The following NEDD4L variants were observed in gnomAD, a reference collection of about 807,000 sequenced individuals.
The protein encoded by NEDD4L is NEDD4 like E3 ubiquitin protein ligase, also known as E3 ubiquitin-protein ligase NEDD4-like.
Under a neutral mutation model 148.9 loss-of-function variants are expected in NEDD4L, and 54 were observed. The ratio of observed to expected loss-of-function variants is 0.36; its 90% CI spans 0.29 to 0.45. NEDD4L has a LOEUF of 0.45. Among genes scored for constraint, NEDD4L ranks in the 20% least tolerant of loss-of-function variants. The pLI is 1.00. For synonymous variants in NEDD4L, 433 were observed against 440.7 expected (o/e 0.98, Z 0.22); for missense variants, 856 against 1,233.8 (o/e 0.69, Z 4.59).
chr18:58,062,449 G>A (rs761865138), intron 1 of NEDD4L, among the ~76,000 whole-genome samples: 6 of 152,152 alleles, frequency 3.9e-5, no homozygotes, highest in Non-Finnish European at 8.8e-5. Context: ...CAAGTTTTAT[G>A]TTGTGAGAAA....
At chr18:58,284,115 CT>C (rs1180227660) in intron 5 of NEDD4L, among the ~76,000 whole-genome samples, 1 of 152,202 alleles carries the variant, frequency 6.6e-6, no homozygotes, top group African/African-American at 2.4e-5. Context: ...GCCTCCAGAA[CT>C]TTTAAACCAT....
chr18:58,198,665 G>A (rs2041022328), intron 2 of NEDD4L, among the ~76,000 whole-genome samples: 1 of 152,206 alleles, frequency 6.6e-6, no homozygotes, highest in Non-Finnish European at 1.5e-5. Flanking sequence ...AGAATCCTAG[G>A]ATGGAAAGGG....
chr18:58,280,684 G>C (rs1366916748), intron 5 of NEDD4L, among the ~76,000 whole-genome samples: 1 of 152,086 alleles, frequency 6.6e-6, no homozygotes, highest in Non-Finnish European at 1.5e-5. Flanking sequence ...TGGGGAATTC[G>C]GAGTGAGGGC....
At position 58,209,462 on chromosome 18, in the gene NEDD4L, C is replaced by T. The variant is rs556003252; in HGVS notation, c.123-35965C>T. 8.9e-5 allele frequency among the ~76,000 whole-genome samples: 4 copies of T among 45,084 alleles called. No homozygotes were observed. In the East Asian group the frequency reaches 1.9e-3, roughly 21 times the overall value. The allele number at this position is 45,084 out of a possible 152,430, so 29.6% of individuals were successfully genotyped here. A position where few individuals can be genotyped will look rare whatever the true frequency, so the allele number is the denominator to read the frequency against. ...TTTCTGCACACCCCACCCCCGCCCC[C>T]ACTAGGGACAGTTTACTCTTCCCCC... On this transcript the variant is annotated intron_variant, in intron 2 of 30. Transcript: ENST00000400345.
At chr18:58,362,725 G>A (rs1439709871) in intron 19 of NEDD4L, among the ~76,000 whole-genome samples, 1 of 152,214 alleles carries the variant, frequency 6.6e-6, no homozygotes, top group Non-Finnish European at 1.5e-5. Context: ...CAGAGTAGGT[G>A]CTCAAGAAGT....
rs1312148367 is a variant in NEDD4L, at chr18:58,400,213, C to G, written c.*3944C>G. 1 of 152,248 alleles carries G rather than the reference C, an allele frequency of 6.6e-6. No individual in the cohort carries two copies. Among genetic ancestry groups the G allele is most frequent in the Non-Finnish European group, 1.5e-5 (1 of 68,092 alleles). The allele number at this position is 152,248 out of a possible 1,614,324, so 9.4% of individuals were successfully genotyped here. A position where few individuals can be genotyped will look rare whatever the true frequency, so the allele number is the denominator to read the frequency against. ...GGGTAACTGCCCGCCTGCTCCCTTC[C>G]TGACCTCCCCTGACCCCGAAGATCA... On this transcript the variant is annotated 3_prime_UTR_variant, in exon 31 of 31. Coordinates refer to ENST00000400345, the MANE Select transcript of NEDD4L (RefSeq NM_001144967.3).
At chr18:58,058,170 G>A (rs1450494884) in intron 1 of NEDD4L, among the ~76,000 whole-genome samples, 1 of 152,168 alleles carries the variant, frequency 6.6e-6, no homozygotes, top group African/African-American at 2.4e-5. Context: ...GCTGGGTGTG[G>A]TGGCACGCAC....
intron 2 of NEDD4L, among the ~76,000 whole-genome samples, chr18:58,236,133 G>A (rs1362198636): frequency 2.0e-5 from 3 of 152,134 alleles, no homozygotes; most frequent in Non-Finnish European, 4.4e-5. Flanking sequence ...GAGGCAGGAA[G>A]ATCGCCTGAA....
intron 2 of NEDD4L, among the ~76,000 whole-genome samples, chr18:58,207,067 C>A (rs528735437): frequency 2.6e-5 from 4 of 152,106 alleles, no homozygotes; most frequent in Non-Finnish European, 5.9e-5. Context: ...CTTTAGCATA[C>A]GGTTGTTTGC....
Position 58,401,411 on chromosome 18 carries a change from T to A in NEDD4L, c.*5142T>A, listed in dbSNP as rs971668554. Reference sequence around the variant, plus strand: ...TTCGCTTTTCTTTTTTCTTGAGAGATCTAAAGAGAAACTGTAGATTGTTTT... The same window carrying A: ...TTCGCTTTTCTTTTTTCTTGAGAGAACTAAAGAGAAACTGTAGATTGTTTT... On this transcript the variant is annotated 3_prime_UTR_variant, in exon 31 of 31. Transcript: ENST00000400345. The A allele has an allele frequency of 6.6e-6, 1 of 152,184 alleles. No homozygotes were observed. Among genetic ancestry groups the A allele is most frequent in the Non-Finnish European group, 1.5e-5 (1 of 68,028 alleles). 9.4% of individuals were successfully genotyped at this position (152,184 alleles called of 1,614,324 possible).
intron 5 of NEDD4L, among the ~76,000 whole-genome samples, chr18:58,295,392 C>A (rs2149177137): frequency 6.6e-6 from 1 of 152,244 alleles, no homozygotes; most frequent in Admixed American, 6.5e-5. Flanking sequence ...ATAGTGGCTT[C>A]TTTTACTTAG....
intron 1 of NEDD4L, among the ~76,000 whole-genome samples, chr18:58,063,525 T>C (rs1243865920): frequency 2.0e-5 from 3 of 152,080 alleles, no homozygotes; most frequent in Non-Finnish European, 4.4e-5. Flanking sequence ...GTTTTTCTAA[T>C]ATTGCTTTTC....
At position 58,388,838 on chromosome 18, in the gene NEDD4L, A is replaced by C. The variant is rs990107314; in HGVS notation, c.2548-247A>C. On this transcript the variant is annotated intron_variant, in intron 27 of 30. Coordinates refer to ENST00000400345, the MANE Select transcript of NEDD4L (RefSeq NM_001144967.3). The stretch of plus-strand genomic sequence containing the variant: ...TAGGGAGGACGACTGTGGCATTTTT[A>C]TATCCGATACGACATGCCGTGGCTT... The C allele has an allele frequency of 2.2e-5, 11 of 510,332 alleles. No individual in the cohort carries two copies. The East Asian group carries it at 3.5e-4, about 16-fold the overall frequency. 31.6% of individuals were successfully genotyped at this position (510,332 alleles called of 1,614,324 possible).
intron 1 of NEDD4L, among the ~76,000 whole-genome samples, chr18:58,121,200 C>T (rs1177682323): frequency 6.6e-6 from 1 of 151,992 alleles, no homozygotes; most frequent in Non-Finnish European, 1.5e-5. Context: ...GAGGACACAA[C>T]AGAGAAAGGA....
intron 1 of NEDD4L, among the ~76,000 whole-genome samples, chr18:58,161,435 C>CTTTTTTT (rs55873387): frequency 7.1e-6 from 1 of 140,284 alleles, no homozygotes; most frequent in African/African-American, 2.6e-5. Flanking sequence ...TTTTCTTTTT[C>CTTTTTTT]TTTTTTTTTT....
intron 24 of NEDD4L, among the ~76,000 whole-genome samples, chr18:58,379,199 G>GT (rs1174404471): frequency 1.3e-5 from 2 of 152,210 alleles, no homozygotes; most frequent in African/African-American, 4.8e-5. Context: ...GGGCCCCTGG[G>GT]TGCCAGCACC....
At position 58,383,354 on chromosome 18, in the gene NEDD4L, A is replaced by G. The variant is rs894870739; in HGVS notation, c.2426+35A>G. On this transcript the variant is annotated intron_variant, in intron 25 of 30. Transcript: ENST00000400345. ...CACATATTTACTGCCTTTTCTTTGA[A>G]TAATTGAAATGCATGTTTGGTCACT... The G allele has an allele frequency of 6.1e-6, 7 of 1,141,540 alleles. No individual in the cohort carries two copies. The African/African-American group carries it at 9.3e-5, about 15-fold the overall frequency. The allele number at this position is 1,141,540 out of a possible 1,614,324, so 70.7% of individuals were successfully genotyped here. A position where few individuals can be genotyped will look rare whatever the true frequency, so the allele number is the denominator to read the frequency against.
intron 2 of NEDD4L, among the ~76,000 whole-genome samples, chr18:58,221,984 A>G (rs910736390): frequency 6.6e-6 from 1 of 152,210 alleles, no homozygotes; most frequent in Admixed American, 6.5e-5. Context: ...GAGCCTTGAA[A>G]AGAATTGGGA....
At chr18:58,360,566 C>G (rs760164476) in intron 19 of NEDD4L, among the ~76,000 whole-genome samples, 20 of 152,026 alleles carry the variant, frequency 1.3e-4, no homozygotes, top group Non-Finnish European at 2.8e-4. Context: ...TTGTCCTGTT[C>G]TCTTTATCTC....
Sources: allele counts gnomAD v4.1 joint callset (sites outside exome capture counted in the v4.1 genomes callset), GRCh38; gene constraint gnomAD v4.1.1; transcripts MANE v1.5; gene names NCBI Gene and HGNC (gene_info 2026-07-23, HGNC 2026-07-21).